The following CNTN6 variants were observed in gnomAD, a reference collection of about 807,000 sequenced individuals.
CNTN6 encodes contactin 6.
Under a neutral mutation model 122.8 loss-of-function variants are expected in CNTN6, and 137 were observed. The observed-to-expected ratio is 1.12, with a 90% CI of 0.97 to 1.29. The LOEUF (loss-of-function observed/expected upper bound fraction) is 1.29, where lower values mean the gene tolerates loss of function less well. Ranked by LOEUF, CNTN6 falls within the 50% of genes most tolerant of loss-of-function variation. CNTN6 has a pLI of 0.00. For synonymous variants in CNTN6, 570 were observed against 426.0 expected (o/e 1.34, Z -4.16); for missense variants, 1,634 against 1,223.4 (o/e 1.34, Z -5.01).
chr3:1,269,810 C>T (rs1340741028), intron 4 of CNTN6, among the ~76,000 whole-genome samples: 1 of 152,050 alleles, frequency 6.6e-6, no homozygotes, highest in South Asian at 2.1e-4. Context: ...AAAAAAAATG[C>T]TTCTCAGTGA....
chr3:1,149,083 T>C lies in CNTN6; in HGVS notation c.55+1020T>C, dbSNP rs149481654. Among the ~76,000 whole-genome samples, 557 of 152,250 alleles carry C rather than the reference T, an allele frequency of 3.7e-3. 4 individuals carry two copies. The highest frequency in any genetic ancestry group is 0.013 in the African/African-American group (532 of 41,546). ...TGTGGAATGACACTACATCTCTTGA[T>C]AGAAAAGCTGCAAAATTATACCATA... On this transcript the variant is annotated intron_variant, in intron 2 of 22. Transcript: ENST00000446702.
At chr3:1,154,399 C>T (rs1322238450) in intron 2 of CNTN6, among the ~76,000 whole-genome samples, 1 of 151,630 alleles carries the variant, frequency 6.6e-6, no homozygotes, top group Non-Finnish European at 1.5e-5. Flanking sequence ...TATGCTATGA[C>T]TTGAAAATAG....
At chr3:1,300,246 T>C (rs1437659426) in intron 7 of CNTN6, among the ~76,000 whole-genome samples, 1 of 152,054 alleles carries the variant, frequency 6.6e-6, no homozygotes, top group Non-Finnish European at 1.5e-5. Context: ...TCAGCCTTCC[T>C]AAGTGCTGGG....
At chr3:1,358,779 C>T (rs1000814231) in intron 12 of CNTN6, among the ~76,000 whole-genome samples, 14 of 151,930 alleles carry the variant, frequency 9.2e-5, no homozygotes, top group African/African-American at 3.1e-4. Flanking sequence ...TCATCTTCTA[C>T]AAAACTACAG....
chr3:1,143,289 T>C (rs993683411), intron 1 of CNTN6, among the ~76,000 whole-genome samples: 3 of 152,126 alleles, frequency 2.0e-5, no homozygotes, highest in African/African-American at 7.2e-5. Context: ...TACTGAGCAA[T>C]TTCATGCAAG....
At chr3:1,164,412 A>G (rs1262853775) in intron 2 of CNTN6, among the ~76,000 whole-genome samples, 2 of 152,234 alleles carry the variant, frequency 1.3e-5, no homozygotes, top group Non-Finnish European at 2.9e-5. Flanking sequence ...TTCTCTTACA[A>G]TTACATAAGG....
intron 4 of CNTN6, among the ~76,000 whole-genome samples, chr3:1,260,121 G>A (rs549247635): frequency 1.6e-4 from 24 of 152,262 alleles, no homozygotes; most frequent in African/African-American, 5.5e-4. Context: ...TAGTGAAAGT[G>A]CCTATAAACC....
intron 20 of CNTN6, among the ~76,000 whole-genome samples, chr3:1,395,169 C>T (rs781775781): frequency 4.6e-5 from 7 of 152,122 alleles, no homozygotes; most frequent in Non-Finnish European, 7.3e-5. Flanking sequence ...CATTTAAATA[C>T]CTATCCAACC....
intron 1 of CNTN6, among the ~76,000 whole-genome samples, chr3:1,106,438 T>A (rs116094148): frequency 0.065 from 9,839 of 152,054 alleles, 420 homozygotes; most frequent in Non-Finnish European, 0.09. Context: ...AGAGAGTTTT[T>A]GGAACAAACC....
chr3:1,302,026 A>G (rs1039359775), intron 7 of CNTN6, among the ~76,000 whole-genome samples: 47 of 152,332 alleles, frequency 3.1e-4, no homozygotes, highest in African/African-American at 9.9e-4. Context: ...TATAAAATTA[A>G]CAAGCATAAA....
chr3:1,234,816 GT>G (rs2094401101), intron 4 of CNTN6, among the ~76,000 whole-genome samples: 1 of 152,116 alleles, frequency 6.6e-6, no homozygotes, highest in African/African-American at 2.4e-5. Flanking sequence ...CATAAGCAAT[GT>G]TACAATGGAT....
At chr3:1,365,966 A>C (rs1708159907) in intron 12 of CNTN6, among the ~76,000 whole-genome samples, 1 of 152,194 alleles carries the variant, frequency 6.6e-6, no homozygotes, top group Non-Finnish European at 1.5e-5. Flanking sequence ...TAGAAATTTC[A>C]GGTTCAAGTT....
At chr3:1,351,313 T>C (rs1450279345) in intron 11 of CNTN6, among the ~76,000 whole-genome samples, 1 of 152,032 alleles carries the variant, frequency 6.6e-6, no homozygotes, top group Non-Finnish European at 1.5e-5. Context: ...TTAATGGATA[T>C]GGCATGCATG....
At chr3:1,144,160 G>A (rs1451374834) in intron 1 of CNTN6, among the ~76,000 whole-genome samples, 2 of 152,136 alleles carry the variant, frequency 1.3e-5, no homozygotes, top group South Asian at 2.1e-4. Flanking sequence ...GGTGTTTATC[G>A]TCAAGGTAAA....
chr3:1,164,377 C>T (rs574184902), intron 2 of CNTN6, among the ~76,000 whole-genome samples: 1 of 152,348 alleles, frequency 6.6e-6, no homozygotes, highest in East Asian at 1.9e-4. Context: ...TGTGATATTT[C>T]CCCTCTCACT....
rs1192387224 is a variant in CNTN6 at position 1,158,939 on chromosome 3, CACAT to C, written c.55+10878_55+10881del. ...ACACACATATATATATATACACACACACATATATATATATACACACACACACACA... is the reference window on the plus strand; with the variant it reads ...ACACACATATATATATATACACACACATATATATATACACACACACACACA... On this transcript the variant is annotated intron_variant, in intron 2 of 22. Coordinates refer to ENST00000446702, the MANE Select transcript of CNTN6 (RefSeq NM_001289080.2). 4.1e-3 allele frequency among the ~76,000 whole-genome samples: 487 copies of C among 119,858 alleles called. 36 individuals are homozygous for C. The highest frequency in any genetic ancestry group is 0.016 in the African/African-American group (467 of 29,886). The allele number at this position is 119,858 out of a possible 152,430, so 78.6% of individuals were successfully genotyped here.
chr3:1,279,956 T>C (rs1361587434), intron 5 of CNTN6, among the ~76,000 whole-genome samples: 1 of 152,178 alleles, frequency 6.6e-6, no homozygotes, highest in Non-Finnish European at 1.5e-5. Flanking sequence ...TGAGATAAAA[T>C]AATATTGTTT....
At chr3:1,244,429 AGGGG>A (rs771322422) in intron 4 of CNTN6, among the ~76,000 whole-genome samples, 2 of 135,110 alleles carry the variant, frequency 1.5e-5, no homozygotes, top group Non-Finnish European at 3.1e-5. Flanking sequence ...GTGAAGGAGA[AGGGG>A]TTGAGGGGTA....
At chr3:1,347,261 A>C (rs1704875411) in intron 11 of CNTN6, among the ~76,000 whole-genome samples, 3 of 152,146 alleles carry the variant, frequency 2.0e-5, no homozygotes, top group Admixed American at 2.0e-4. Flanking sequence ...AATGCCTTTA[A>C]ATTCTAATTT....
Sources: gnomAD v4.1 joint callset for allele counts (sites outside exome capture counted in the v4.1 genomes callset) on GRCh38, gnomAD v4.1.1 for gene constraint, MANE v1.5 for transcripts, NCBI Gene and HGNC (gene_info 2026-07-23, HGNC 2026-07-21) for gene names.